CACNA1E: variants seen among roughly 807,000 people sequenced by gnomAD.
CACNA1E encodes calcium voltage-gated channel subunit alpha1 E, also known as voltage-dependent R-type calcium channel subunit alpha-1E.
In CACNA1E, 40 loss-of-function variants were observed where a neutral mutation model predicts 259.2. That is an observed-to-expected ratio of 0.15 (90% confidence interval 0.12 to 0.20). The LOEUF (loss-of-function observed/expected upper bound fraction) is 0.20. Among genes scored for constraint, CACNA1E ranks in the 10% least tolerant of loss-of-function variants. The pLI is 1.00. For synonymous variants in CACNA1E, 1,104 were observed against 1,138.5 expected (o/e 0.97, Z 0.61); for missense variants, 1,874 against 3,040.1 (o/e 0.62, Z 9.02).
chr1:181,354,068 T>C (rs543569290), intron 1 of CACNA1E, among the ~76,000 whole-genome samples: 1 of 152,164 alleles, frequency 6.6e-6, no homozygotes, highest in Non-Finnish European at 1.5e-5. Context: ...CAAATTGGAA[T>C]CTTACTTTAT....
chr1:181,340,163 A>AT (rs1180993396), intron 1 of CACNA1E, among the ~76,000 whole-genome samples: 3 of 150,802 alleles, frequency 2.0e-5, no homozygotes, highest in East Asian at 1.9e-4. Context: ...ATCCTACATA[A>AT]TTTTTTTTTA....
At chr1:181,597,438 G>A (rs1653299322) in intron 6 of CACNA1E, among the ~76,000 whole-genome samples, 2 of 152,096 alleles carry the variant, frequency 1.3e-5, no homozygotes, top group Admixed American at 6.6e-5. Flanking sequence ...CCTCTCCCAG[G>A]ACAAAACACA....
At chr1:181,486,340 T>C (rs1663815675) in intron 1 of CACNA1E, among the ~76,000 whole-genome samples, 1 of 152,240 alleles carries the variant, frequency 6.6e-6, no homozygotes, top group African/African-American at 2.4e-5. Context: ...GAACATCTGC[T>C]AAGGTGTTTA....
intron 2 of CACNA1E, among the ~76,000 whole-genome samples, chr1:181,467,158 T>C (rs770876800): frequency 6.6e-6 from 1 of 152,232 alleles, no homozygotes; most frequent in African/African-American, 2.4e-5. Flanking sequence ...TGATCGAGCC[T>C]TTTTAGGAAA....
chr1:181,452,855 A>C (rs564695691), intron 2 of CACNA1E, among the ~76,000 whole-genome samples: 134 of 152,256 alleles, frequency 8.8e-4, no homozygotes, highest in African/African-American at 3.1e-3. Context: ...TCTCAGTACA[A>C]TCTGTTTCGT....
chr1:181,753,175 A>G (rs943247415), intron 27 of CACNA1E, among the ~76,000 whole-genome samples: 1 of 152,234 alleles, frequency 6.6e-6, no homozygotes, highest in African/African-American at 2.4e-5. Context: ...CCCAGCAAGC[A>G]GACTCAATTC....
intron 1 of CACNA1E, among the ~76,000 whole-genome samples, chr1:181,321,410 A>T (rs1650333182): frequency 1.3e-5 from 2 of 152,282 alleles, no homozygotes; most frequent in South Asian, 4.1e-4. Flanking sequence ...GCATGTCACC[A>T]TCTGATTTTC....
intron 27 of CACNA1E, among the ~76,000 whole-genome samples, chr1:181,752,818 T>C (rs748010798): frequency 2.0e-5 from 3 of 152,198 alleles, no homozygotes; most frequent in Admixed American, 6.5e-5. Context: ...CCAGGACCTT[T>C]ACTAGGTATC....
At chr1:181,515,205 C>T (rs1469326894) in intron 3 of CACNA1E, among the ~76,000 whole-genome samples, 1 of 152,170 alleles carries the variant, frequency 6.6e-6, no homozygotes, top group African/African-American at 2.4e-5. Flanking sequence ...AATGTTCACT[C>T]TCAAAGGTGG....
At chr1:181,410,130 G>A (rs1042303530) in intron 1 of CACNA1E, among the ~76,000 whole-genome samples, 1 of 152,152 alleles carries the variant, frequency 6.6e-6, no homozygotes, top group Non-Finnish European at 1.5e-5. Context: ...AGCAGGGGAG[G>A]GGTGTGCGCG....
At chr1:181,467,633 A>C (rs1283552534) in intron 2 of CACNA1E, among the ~76,000 whole-genome samples, 1 of 152,124 alleles carries the variant, frequency 6.6e-6, no homozygotes, top group Non-Finnish European at 1.5e-5. Context: ...CCATCAGAAA[A>C]ATAGAGGTGC....
intron 7 of CACNA1E, among the ~76,000 whole-genome samples, chr1:181,692,151 GA>G (rs1225099265): frequency 3.9e-5 from 6 of 152,092 alleles, no homozygotes; most frequent in Non-Finnish European, 8.8e-5. Flanking sequence ...AAACACTGCT[GA>G]AAGAAATCAT....
intron 16 of CACNA1E, 107 bp from the exon 17 acceptor site, chr1:181,724,363 T>C: frequency 2.4e-6 from 2 of 821,862 alleles, no homozygotes; most frequent in Non-Finnish European, 4.1e-6. Flanking sequence ...TCAGGGTAGC[T>C]TCTGTTCCTG....
intron 1 of CACNA1E, among the ~76,000 whole-genome samples, chr1:181,397,596 A>C (rs111947136): frequency 1.4e-3 from 217 of 152,266 alleles, no homozygotes; most frequent in Admixed American, 4.3e-3. Context: ...CTGCGCCTGG[A>C]CAGGGTGGGG....
intron 2 of CACNA1E, among the ~76,000 whole-genome samples, chr1:181,434,529 A>G (rs928377882): frequency 5.3e-5 from 8 of 152,302 alleles, no homozygotes; most frequent in African/African-American, 1.4e-4. Flanking sequence ...AAGGCTATCA[A>G]TCACATACAA....
intron 6 of CACNA1E, among the ~76,000 whole-genome samples, chr1:181,612,855 T>C (rs548872720): frequency 2.4e-4 from 36 of 152,388 alleles, no homozygotes; most frequent in African/African-American, 8.7e-4. Flanking sequence ...TCTCCTGTTT[T>C]ATTTTCTAGA....
chr1:181,481,443 C>T (rs1663236784), upstream of CACNA1E, among the ~76,000 whole-genome samples: 1 of 152,082 alleles, frequency 6.6e-6, no homozygotes, highest in Admixed American at 6.5e-5. Flanking sequence ...AGACACATAC[C>T]CGTAGAAACA....
At chr1:181,561,417 C>T (rs1439610370) in intron 3 of CACNA1E, among the ~76,000 whole-genome samples, 2 of 152,134 alleles carry the variant, frequency 1.3e-5, no homozygotes, top group Non-Finnish European at 2.9e-5. Flanking sequence ...ATATTTCTAT[C>T]ACCCCCCAAA....
intron 1 of CACNA1E, among the ~76,000 whole-genome samples, chr1:181,372,077 G>T (rs528289440): frequency 1.3e-5 from 2 of 152,148 alleles, no homozygotes; most frequent in Admixed American, 1.3e-4. Context: ...TTGGGTATTT[G>T]GGCTTCTTTT....
Sources: gnomAD v4.1 joint callset for allele counts (sites outside exome capture counted in the v4.1 genomes callset) on GRCh38, gnomAD v4.1.1 for gene constraint, MANE v1.5 for transcripts, NCBI Gene and HGNC (gene_info 2026-07-23, HGNC 2026-07-21) for gene names.